Variants in NFX1 observed in about 807,000 individuals in gnomAD.
NFX1 encodes the protein transcriptional repressor NF-X1.
Under a neutral mutation model 137.2 loss-of-function variants are expected in NFX1, and 69 were observed. That is an observed-to-expected ratio of 0.50 (90% CI 0.41 to 0.61). NFX1 has a LOEUF of 0.61. Among genes scored for constraint, NFX1 ranks in the 20% least tolerant of loss-of-function variants. The pLI, the probability that NFX1 is intolerant of heterozygous loss-of-function variation, is 0.00. For missense variants in NFX1, 1,167 were observed against 1,391.0 expected (o/e 0.84, Z 2.56); for synonymous variants, 495 against 474.1 (o/e 1.04, Z -0.57).
chr9:33,311,171 G>A lies in NFX1; in HGVS notation c.1442G>A (p.Arg481Gln), dbSNP rs781481080. Residue 481 changes from arginine to glutamine, a missense_variant, in exon 6 of 24, where the codon CGA becomes CAA. Physicochemically the swap from Arg to Gln is conservative, Grantham distance 43 (BLOSUM62 1). This residue lies in a region of NFX1 where 488 missense variants were observed against 691.5 expected (regional missense o/e 0.71). Coordinates refer to ENST00000379540, the MANE Select transcript of NFX1 (RefSeq NM_002504.6). ...ATGACAAAAACATGTGAATGTGGAC[G>A]AACCAGGTAAAGTTAAAATTACACC... ...AFMTKTCECGRTRHTVRCGQA... is the reference protein window; with the variant it reads ...AFMTKTCECGQTRHTVRCGQA... The A allele has an allele frequency of 4.3e-6, 7 of 1,613,844 alleles. No individual in the cohort carries two copies. The highest frequency in any genetic ancestry group is 3.3e-5 in the South Asian group (3 of 91,070).
chr9:33,320,592 A>G (rs1822349212), intron 9 of NFX1, among the ~76,000 whole-genome samples: 1 of 152,214 alleles, frequency 6.6e-6, no homozygotes, highest in Admixed American at 6.5e-5. Context: ...AGAAACCAGA[A>G]AAAGCTCATT....
chr9:33,345,626 G>A (rs1823393536), intron 14 of NFX1, among the ~76,000 whole-genome samples: 1 of 152,144 alleles, frequency 6.6e-6, no homozygotes, highest in South Asian at 2.1e-4. Flanking sequence ...GTAAAAGTGG[G>A]ATCCTACTGA....
intron 9 of NFX1, among the ~76,000 whole-genome samples, chr9:33,319,518 G>A (rs1822303330): frequency 6.6e-6 from 1 of 152,140 alleles, no homozygotes; most frequent in Non-Finnish European, 1.5e-5. Context: ...GTGAGACAGA[G>A]TCTGGTTTGG....
intron 19 of NFX1, among the ~76,000 whole-genome samples, chr9:33,359,374 G>A (rs1057459753): frequency 5.9e-5 from 9 of 152,010 alleles, no homozygotes; most frequent in East Asian, 1.9e-4. Context: ...TGAGGCGGGC[G>A]GATCACTTGA....
intron 17 of NFX1, chr9:33,352,955 G>T: frequency 2.3e-6 from 1 of 438,942 alleles, no homozygotes; most frequent in Non-Finnish European, 4.1e-6. Flanking sequence ...GTTTTATTGA[G>T]AGGGGTCTCG....
intron 4 of NFX1, 36 bp from the exon 5 acceptor site, chr9:33,307,158 T>C (rs766885210): frequency 7.7e-6 from 12 of 1,558,508 alleles, no homozygotes; most frequent in Non-Finnish European, 1.1e-5. Context: ...GTGGTTGAAG[T>C]TTGTACCATT....
rs151316654 is a variant in NFX1 at position 33,347,079 on chromosome 9, A to G, written c.2386A>G (p.Thr796Ala). ...CHSEEKCPPC[T>A]FLTQKWCMGK... ...TAGTGAGGAGAAGTGTCCCCCTTGC[A>G]CTTTCCTAACTCAGAAGTGGTGCAT... The change falls in exon 15 of 24, where the codon ACT becomes GCT. Residue 796 changes from threonine to alanine, a missense_variant. Around this residue, in one of 3 missense-constraint regions of NFX1, gnomAD observed 488 missense variants for 691.5 expected, o/e 0.71. Coordinates refer to ENST00000379540, the MANE Select transcript of NFX1 (RefSeq NM_002504.6). 5.9e-5 allele frequency: 95 copies of G among 1,613,586 alleles called. No homozygotes were observed. The highest frequency in any genetic ancestry group is 7.3e-5 in the Non-Finnish European group (86 of 1,179,588).
At chr9:33,292,483 T>C (rs1821197892) in intron 1 of NFX1, among the ~76,000 whole-genome samples, 1 of 152,226 alleles carries the variant, frequency 6.6e-6, no homozygotes, top group Non-Finnish European at 1.5e-5. Context: ...CTGTGTTATC[T>C]TGGATTTAGG....
chr9:33,301,535 G>A, intron 3 of NFX1, 114 bp downstream of exon 3: 1 of 1,134,750 alleles, frequency 8.8e-7, no homozygotes, highest in South Asian at 1.7e-5. Flanking sequence ...TTTTCTGCAG[G>A]GAGAGTATGT....
intron 7 of NFX1, among the ~76,000 whole-genome samples, chr9:33,314,780 G>A (rs1246814626): frequency 6.6e-6 from 1 of 152,072 alleles, no homozygotes; most frequent in Non-Finnish European, 1.5e-5. Flanking sequence ...GAAATTGGGG[G>A]AAGGGACACA....
At chr9:33,349,434 T>G (rs1823554478) in intron 15 of NFX1, among the ~76,000 whole-genome samples, 1 of 152,148 alleles carries the variant, frequency 6.6e-6, no homozygotes. Flanking sequence ...GCCCTGGTAG[T>G]AGAATGGGTA....
intron 2 of NFX1, among the ~76,000 whole-genome samples, chr9:33,298,881 G>C (rs577630958): frequency 1.9e-4 from 29 of 152,340 alleles, no homozygotes; most frequent in African/African-American, 7.0e-4. Context: ...GGTAGGAGAT[G>C]ATGGAGACTT....
At position 33,354,203 on chromosome 9, in the gene NFX1, C is replaced by CAT. The variant is rs1466908302; in HGVS notation, c.2831+21_2831+22dup. 6.3e-7 allele frequency: 1 copy of CAT among 1,579,212 alleles called. No individual in the cohort carries two copies. The highest frequency in any genetic ancestry group is 8.6e-7 in the Non-Finnish European group (1 of 1,156,536). The stretch of plus-strand genomic sequence containing the variant: ...ATCAAGCCAGGTAATTTTTAAAATG[C>CAT]ATATATGTGCCTTCTTTCTTCAATT... On this transcript the variant is annotated intron_variant, in intron 18 of 23. Transcript: ENST00000379540.
At chr9:33,344,270 C>T in intron 14 of NFX1, 82 bp downstream of exon 14, 1 of 1,569,086 alleles carries the variant, frequency 6.4e-7, no homozygotes, top group South Asian at 1.1e-5. Flanking sequence ...CTTCACTGCT[C>T]TAGAGTCATG....
At chr9:33,313,048 G>A (rs1230226220) in intron 6 of NFX1, among the ~76,000 whole-genome samples, 1 of 152,202 alleles carries the variant, frequency 6.6e-6, no homozygotes, top group African/African-American at 2.4e-5. Context: ...GAGTGTGTCA[G>A]ATCTGGGTAC....
At chr9:33,338,835 G>C (rs1823110333) in intron 12 of NFX1, among the ~76,000 whole-genome samples, 1 of 152,146 alleles carries the variant, frequency 6.6e-6, no homozygotes. Context: ...AAGAGAAAGA[G>C]ATAAGAGAAG....
intron 2 of NFX1, among the ~76,000 whole-genome samples, chr9:33,296,091 TGA>T (rs1821345548): frequency 6.6e-6 from 1 of 152,168 alleles, no homozygotes; most frequent in Non-Finnish European, 1.5e-5. Context: ...CATGCTTGGC[TGA>T]TTTTTGTATT....
chr9:33,326,843 A>G (rs554017577), intron 9 of NFX1, among the ~76,000 whole-genome samples: 1 of 152,340 alleles, frequency 6.6e-6, no homozygotes. Context: ...TGTGATATGT[A>G]TAACAATAAC....
At position 33,318,730 on chromosome 9, in the gene NFX1, G is replaced by A. The variant is rs137968719; in HGVS notation, c.1589-1G>A. ...TTTGTTTTTGAAATTTTCTCTTCAAGTATGCTATTGCGGCAGCACCTCCCG... is the reference window on the plus strand; with the variant it reads ...TTTGTTTTTGAAATTTTCTCTTCAAATATGCTATTGCGGCAGCACCTCCCG... On this transcript the variant is annotated splice_acceptor_variant, in intron 7 of 23. Transcript: ENST00000379540. LOFTEE classifies it high-confidence loss of function. 1 of 1,613,926 alleles carries A rather than the reference G, an allele frequency of 6.2e-7. No homozygotes were observed. The highest frequency in any genetic ancestry group is 8.5e-7 in the Non-Finnish European group (1 of 1,179,848).
Sources: gnomAD v4.1 joint callset for allele counts (sites outside exome capture counted in the v4.1 genomes callset) on GRCh38, gnomAD v4.1.1 for gene constraint, gnomAD v4.1.1 regional missense constraint, MANE v1.5 for transcripts, NCBI Gene and HGNC (gene_info 2026-07-23, HGNC 2026-07-21) for gene names.